The following CADM1 variants were observed in gnomAD, a reference collection of about 807,000 sequenced individuals.
The protein encoded by CADM1 is cell adhesion molecule 1, also known as TSLC-1.
Under a neutral mutation model 53.1 loss-of-function variants are expected in CADM1, and 15 were observed. The ratio of observed to expected loss-of-function variants is 0.28; its 90% confidence interval spans 0.19 to 0.44. The LOEUF (loss-of-function observed/expected upper bound fraction) is 0.44. Ranked by LOEUF, CADM1 falls within the 20% of genes least tolerant of loss-of-function variation. The pLI, the probability that CADM1 is intolerant of heterozygous loss-of-function variation, is 1.00. For synonymous variants in CADM1, 281 were observed against 243.0 expected (o/e 1.16, Z -1.45); for missense variants, 434 against 611.3 (o/e 0.71, Z 3.06).
chr11:115,333,385 C>T (rs903539904), intron 1 of CADM1, among the ~76,000 whole-genome samples: 4 of 152,124 alleles, frequency 2.6e-5, no homozygotes, highest in Non-Finnish European at 5.9e-5. Flanking sequence ...CCCAACATGC[C>T]TCCCTGAAAA....
At chr11:115,393,140 A>G (rs963331335) in intron 1 of CADM1, among the ~76,000 whole-genome samples, 3 of 151,530 alleles carry the variant, frequency 2.0e-5, no homozygotes, top group Non-Finnish European at 2.9e-5. Flanking sequence ...TAATTATTAT[A>G]TAGTCTTTAA....
chr11:115,401,890 T>C (rs966001697), intron 1 of CADM1, among the ~76,000 whole-genome samples: 1 of 152,250 alleles, frequency 6.6e-6, no homozygotes, highest in African/African-American at 2.4e-5. Context: ...GCTATGCATG[T>C]ATGGGGACAA....
rs559581192 is a variant in CADM1, at chr11:115,470,786, C to T, written c.124+33485G>A. Among the ~76,000 whole-genome samples the T allele has an allele frequency of 2.0e-5, 3 of 152,292 alleles. No individual in the cohort carries two copies. In the South Asian group the frequency reaches 6.2e-4, roughly 32 times the overall value. ...ATGTAGGACAGGGATTGTACAAGGA[C>T]ATTACCTACCAAATCTCACTTAATC... On this transcript the variant is annotated intron_variant, in intron 1 of 11. Transcript: ENST00000331581.
chr11:115,314,423 T>C (rs919617321), intron 1 of CADM1, among the ~76,000 whole-genome samples: 5 of 152,282 alleles, frequency 3.3e-5, no homozygotes, highest in Admixed American at 3.3e-4. Context: ...GCCCCTGCCC[T>C]TCAACTTCAA....
intron 1 of CADM1, among the ~76,000 whole-genome samples, chr11:115,440,430 T>G (rs1210009028): frequency 6.6e-6 from 1 of 152,224 alleles, no homozygotes; most frequent in Non-Finnish European, 1.5e-5. Flanking sequence ...CACTAAATAC[T>G]TCCGGAAATA....
intron 1 of CADM1, among the ~76,000 whole-genome samples, chr11:115,276,268 T>C (rs1418878998): frequency 6.6e-6 from 1 of 152,222 alleles, no homozygotes; most frequent in Non-Finnish European, 1.5e-5. Context: ...TGCATTTGTA[T>C]TTGTGCTTAA....
chr11:115,218,178 G>A (rs190210589), intron 5 of CADM1, 187 bp from the exon 6 acceptor site: 37 of 603,656 alleles, frequency 6.1e-5, no homozygotes, highest in Admixed American at 3.7e-4. Context: ...ATAACTCTAA[G>A]GAGTGAACCG....
rs56270694 is a variant in CADM1 at position 115,206,758 on chromosome 11, C to CTTTTTTTTTTTTTT, written c.1078+2802_1078+2815dup. Among the ~76,000 whole-genome samples the CTTTTTTTTTTTTTT allele has an allele frequency of 4.9e-3, 187 of 38,224 alleles. 81 individuals carry two copies. The highest frequency in any genetic ancestry group is 7.0e-3 in the African/African-American group (72 of 10,340). The allele number at this position is 38,224 out of a possible 152,430, so 25.1% of individuals were successfully genotyped here. ...AAAAGAAATAGATGACTGTGGACTT[C>CTTTTTTTTTTTTTT]TTTTTTTTTTTTTTTTTTTTTTTTT... On this transcript the variant is annotated intron_variant, in intron 8 of 11. Coordinates refer to ENST00000331581, the MANE Select transcript of CADM1 (RefSeq NM_001301043.2).
intron 1 of CADM1, among the ~76,000 whole-genome samples, chr11:115,432,364 C>T (rs1455957324): frequency 6.6e-6 from 1 of 152,142 alleles, no homozygotes; most frequent in Non-Finnish European, 1.5e-5. Flanking sequence ...TGCCCAGCAT[C>T]TAGCACATAC....
intron 1 of CADM1, among the ~76,000 whole-genome samples, chr11:115,392,740 A>G (rs899528156): frequency 6.6e-6 from 1 of 152,184 alleles, no homozygotes; most frequent in Non-Finnish European, 1.5e-5. Context: ...GGAAATCAAG[A>G]CAACCATTAT....
intron 1 of CADM1, among the ~76,000 whole-genome samples, chr11:115,301,757 T>C (rs1324789549): frequency 2.0e-5 from 3 of 152,058 alleles, no homozygotes; most frequent in Admixed American, 1.3e-4. Context: ...AGTCTCACCT[T>C]CCTCAACAGA....
chr11:115,210,570 G>A (rs1187164745), intron 7 of CADM1, among the ~76,000 whole-genome samples: 1 of 152,158 alleles, frequency 6.6e-6, no homozygotes, highest in Non-Finnish European at 1.5e-5. Context: ...GTGTTAAATT[G>A]TCAGCAAGAC....
intron 1 of CADM1, among the ~76,000 whole-genome samples, chr11:115,334,239 T>G (rs1227272477): frequency 6.6e-6 from 1 of 152,176 alleles, no homozygotes; most frequent in Non-Finnish European, 1.5e-5. Context: ...AAATTCAAAC[T>G]CTTCACCAGA....
At chr11:115,420,097 A>T (rs914612779) in intron 1 of CADM1, among the ~76,000 whole-genome samples, 1 of 151,948 alleles carries the variant, frequency 6.6e-6, no homozygotes, top group Non-Finnish European at 1.5e-5. Context: ...ACTGAATTAG[A>T]CTCTCCAGGC....
At chr11:115,409,077 C>G (rs994090861) in intron 1 of CADM1, among the ~76,000 whole-genome samples, 1 of 152,094 alleles carries the variant, frequency 6.6e-6, no homozygotes, top group Non-Finnish European at 1.5e-5. Context: ...GAACAATGAA[C>G]ATTTTTAAAA....
intron 1 of CADM1, among the ~76,000 whole-genome samples, chr11:115,443,748 A>G (rs1948383193): frequency 6.6e-6 from 1 of 152,236 alleles, no homozygotes; most frequent in African/African-American, 2.4e-5. Context: ...GCAGTCTGCT[A>G]AATTTGTGGA....
At chr11:115,177,940 C>G (rs1939114413) in intron 11 of CADM1, among the ~76,000 whole-genome samples, 2 of 152,126 alleles carry the variant, frequency 1.3e-5, no homozygotes, top group South Asian at 4.2e-4. Flanking sequence ...AGAAAAATAA[C>G]TGAGAGAGAC....
chr11:115,425,608 G>C (rs1947870209), intron 1 of CADM1, among the ~76,000 whole-genome samples: 1 of 152,188 alleles, frequency 6.6e-6, no homozygotes, highest in South Asian at 2.1e-4. Flanking sequence ...CACTCAAACA[G>C]TTTAAGCTTT....
At chr11:115,456,726 C>T (rs1037090184) in intron 1 of CADM1, among the ~76,000 whole-genome samples, 5 of 151,990 alleles carry the variant, frequency 3.3e-5, no homozygotes, top group African/African-American at 1.2e-4. Flanking sequence ...GACAGTAATC[C>T]CTGTCTGCCA....
Sources: gnomAD v4.1 joint callset for allele counts (sites outside exome capture counted in the v4.1 genomes callset) on GRCh38, gnomAD v4.1.1 for gene constraint, MANE v1.5 for transcripts, NCBI Gene and HGNC (gene_info 2026-07-23, HGNC 2026-07-21) for gene names.